The following RAPGEF2 variants were observed in gnomAD, a reference collection of about 807,000 sequenced individuals.
RAPGEF2 encodes the protein PDZ domain containing guanine nucleotide exchange factor (GEF) 1.
A neutral mutation model predicts 186.7 loss-of-function variants in RAPGEF2; 54 were observed. The observed-to-expected ratio is 0.29, with a 90% CI of 0.23 to 0.36. The LOEUF is 0.36. RAPGEF2 is among the 10% of genes least tolerant of loss of function. The pLI is 1.00. For synonymous variants in RAPGEF2, 712 were observed against 705.9 expected (o/e 1.01, Z -0.14); for missense variants, 1,532 against 2,045.0 (o/e 0.75, Z 4.84).
At chr4:159,166,003 A>G (rs540610194) in intron 1 of RAPGEF2, among the ~76,000 whole-genome samples, 2 of 152,316 alleles carry the variant, frequency 1.3e-5, no homozygotes, top group Admixed American at 1.3e-4. Context: ...GGACTAGTCA[A>G]AAGTGGATTA....
chr4:159,130,345 A>G (rs1383274231), intron 1 of RAPGEF2, among the ~76,000 whole-genome samples: 1 of 152,094 alleles, frequency 6.6e-6, no homozygotes, highest in African/African-American at 2.4e-5. Flanking sequence ...CCCAGCCCCT[A>G]TTTAAGATGG....
chr4:159,344,808 T>A (rs1041335164), intron 23 of RAPGEF2, among the ~76,000 whole-genome samples: 1 of 152,228 alleles, frequency 6.6e-6, no homozygotes, highest in East Asian at 1.9e-4. Flanking sequence ...TACATGTAAT[T>A]ATTGTTTTCT....
intron 3 of RAPGEF2, among the ~76,000 whole-genome samples, chr4:159,204,676 T>C (rs1368669182): frequency 1.3e-5 from 2 of 152,220 alleles, no homozygotes; most frequent in African/African-American, 2.4e-5. Flanking sequence ...AGTTTCTCGT[T>C]ATAAACCAGG....
At chr4:159,140,028 A>G (rs976913171) in intron 1 of RAPGEF2, among the ~76,000 whole-genome samples, 2 of 152,186 alleles carry the variant, frequency 1.3e-5, no homozygotes, top group African/African-American at 2.4e-5. Context: ...TGTTAGATTT[A>G]ATGGAGTGCT....
rs764872605 is a variant in RAPGEF2 at position 159,322,298 on chromosome 4, T to C, written c.854-49T>C. Reference sequence around the variant, plus strand: ...CTAAAACATTCTTTTTGAATACTTGTTTTTAATAAAAGTAGTAGTTTTTAC... The same window carrying C: ...CTAAAACATTCTTTTTGAATACTTGCTTTTAATAAAAGTAGTAGTTTTTAC... On this transcript the variant is annotated intron_variant, in intron 9 of 29. Coordinates refer to ENST00000691494, the MANE Select transcript of RAPGEF2 (RefSeq NM_001394067.2). 8.9e-6 allele frequency: 14 copies of C among 1,565,602 alleles called. No individual in the cohort carries two copies. The East Asian group carries it at 2.7e-4, about 30-fold the overall frequency.
At chr4:159,138,688 A>G (rs1342837498) in intron 1 of RAPGEF2, among the ~76,000 whole-genome samples, 6 of 152,194 alleles carry the variant, frequency 3.9e-5, no homozygotes, top group Non-Finnish European at 8.8e-5. Flanking sequence ...TGTAGACAAG[A>G]TAATTTTGAA....
chr4:159,314,660 G>A lies in RAPGEF2; in HGVS notation c.745G>A (p.Asp249Asn), dbSNP rs771969316. The A allele has an allele frequency of 1.9e-6, 3 of 1,613,998 alleles. No homozygotes were observed. Among genetic ancestry groups the A allele is most frequent in the Admixed American group, 1.7e-5 (1 of 59,998 alleles). The change falls in exon 9 of 30, where the codon GAC (aspartate) becomes AAC (asparagine). Residue 249 changes from aspartate to asparagine, a missense_variant. Transcript: ENST00000691494. Reference sequence around the variant, plus strand: ...AGAAACAGCAGTGGATTCCGAAGACGACGACGATGAAGAAGACATTGAGAG... The same window carrying A: ...AGAAACAGCAGTGGATTCCGAAGACAACGACGATGAAGAAGACATTGAGAG... ...LPETAVDSED[D>N]DDEEDIERAS...
chr4:159,153,421 T>TA (rs1294676624), intron 1 of RAPGEF2, among the ~76,000 whole-genome samples: 1 of 152,194 alleles, frequency 6.6e-6, no homozygotes, highest in African/African-American at 2.4e-5. Flanking sequence ...GAACCACTGT[T>TA]ACAGTTCCTC....
intron 8 of RAPGEF2, among the ~76,000 whole-genome samples, chr4:159,307,854 C>G (rs1054590426): frequency 6.6e-6 from 1 of 152,070 alleles, no homozygotes; most frequent in African/African-American, 2.4e-5. Context: ...GCCTATAGTC[C>G]CAGCTACTCG....
At chr4:159,127,380 G>A (rs1369726423) in intron 1 of RAPGEF2, among the ~76,000 whole-genome samples, 2 of 151,974 alleles carry the variant, frequency 1.3e-5, no homozygotes, top group Non-Finnish European at 2.9e-5. Flanking sequence ...CCATTCTCAG[G>A]GCTTTATCAG....
At chr4:159,282,948 T>TA (rs530618199) in intron 7 of RAPGEF2, among the ~76,000 whole-genome samples, 36 of 152,126 alleles carry the variant, frequency 2.4e-4, no homozygotes, top group South Asian at 1.2e-3. Flanking sequence ...CTGTATCTGT[T>TA]AAAAAAAATG....
At chr4:159,275,231 T>G (rs1381095139) in intron 7 of RAPGEF2, among the ~76,000 whole-genome samples, 1 of 152,176 alleles carries the variant, frequency 6.6e-6, no homozygotes, top group Non-Finnish European at 1.5e-5. Context: ...TTCAGATCTC[T>G]TCATTCTACA....
At chr4:159,201,184 T>TTA (rs1749369313) in intron 3 of RAPGEF2, among the ~76,000 whole-genome samples, 1 of 152,246 alleles carries the variant, frequency 6.6e-6, no homozygotes, top group African/African-American at 2.4e-5. Flanking sequence ...GTCTATCAGC[T>TTA]TATAGCTCAG....
Position 159,257,453 on chromosome 4 carries a change from A to C in RAPGEF2, c.543+13662A>C, listed in dbSNP as rs750237982. ...CCATTCACTATCATGAGAACAGCACAGGAAAGACCCGCCCCATGATTTAAT... is the reference window on the plus strand; with the variant it reads ...CCATTCACTATCATGAGAACAGCACCGGAAAGACCCGCCCCATGATTTAAT... On this transcript the variant is annotated intron_variant, in intron 7 of 29. Coordinates refer to ENST00000691494, the MANE Select transcript of RAPGEF2 (RefSeq NM_001394067.2). 5.3e-5 allele frequency among the ~76,000 whole-genome samples: 8 copies of C among 152,292 alleles called. No homozygotes were observed. In the South Asian group the frequency reaches 1.7e-3, roughly 32 times the overall value.
At chr4:159,297,543 G>C (rs934314844) in intron 7 of RAPGEF2, among the ~76,000 whole-genome samples, 4 of 152,140 alleles carry the variant, frequency 2.6e-5, no homozygotes, top group African/African-American at 9.7e-5. Flanking sequence ...TGAAAATGAA[G>C]TTATTTAGTT....
At chr4:159,224,468 A>T (rs1236576280) in intron 4 of RAPGEF2, among the ~76,000 whole-genome samples, 1 of 152,210 alleles carries the variant, frequency 6.6e-6, no homozygotes, top group Non-Finnish European at 1.5e-5. Flanking sequence ...TTTGAAGATG[A>T]CATGGGGCAA....
intron 7 of RAPGEF2, among the ~76,000 whole-genome samples, chr4:159,256,357 G>A (rs1756160772): frequency 6.6e-6 from 1 of 152,188 alleles, no homozygotes; most frequent in African/African-American, 2.4e-5. Flanking sequence ...CTCCATCCAT[G>A]TCTCTGCAAA....
intron 1 of RAPGEF2, among the ~76,000 whole-genome samples, chr4:159,125,147 A>G (rs1215549873): frequency 2.0e-5 from 3 of 152,194 alleles, no homozygotes; most frequent in African/African-American, 7.2e-5. Flanking sequence ...TTTAAAGCCC[A>G]TCAGAGATAC....
At position 159,277,561 on chromosome 4, in the gene RAPGEF2, G is replaced by A. The variant is rs990869923; in HGVS notation, c.544-26781G>A. 1.1e-4 allele frequency among the ~76,000 whole-genome samples: 17 copies of A among 152,198 alleles called. 1 individual carries two copies. Among genetic ancestry groups the A allele is most frequent in the South Asian group, 4.1e-4 (2 of 4,828 alleles). On this transcript the variant is annotated intron_variant, in intron 7 of 29. Coordinates refer to ENST00000691494, the MANE Select transcript of RAPGEF2 (RefSeq NM_001394067.2). ...CCACCAACAGTGTAAAAGTGTTCCT[G>A]TTTCTCCACATCCTCTCCAGCACCT...
Sources: gnomAD v4.1 joint callset for allele counts (sites outside exome capture counted in the v4.1 genomes callset) on GRCh38, gnomAD v4.1.1 for gene constraint, MANE v1.5 for transcripts, NCBI Gene and HGNC (gene_info 2026-07-23, HGNC 2026-07-21) for gene names.